GRIN2A: variants seen among roughly 807,000 people sequenced by gnomAD.
GRIN2A encodes the protein glutamate ionotropic receptor NMDA type subunit 2A.
GRIN2A carries 22 observed loss-of-function variants against 113.4 expected under a neutral mutation model. That is an observed-to-expected ratio of 0.19 (90% CI 0.14 to 0.28). The LOEUF (loss-of-function observed/expected upper bound fraction) is 0.28, where lower values mean the gene tolerates loss of function less well. Among genes scored for constraint, GRIN2A ranks in the 10% least tolerant of loss-of-function variants. The pLI is 1.00. For synonymous variants in GRIN2A, 827 were observed against 738.4 expected, an observed-to-expected ratio of 1.12 and a Z score of -1.94; for missense variants, 1,502 against 1,887.0, an observed-to-expected ratio of 0.80 and a Z score of 3.78.
chr16:10,074,608 G>A (rs1047439773), intron 2 of GRIN2A, among the ~76,000 whole-genome samples: 16 of 152,218 alleles, frequency 1.1e-4, no homozygotes, highest in African/African-American at 3.6e-4. Flanking sequence ...AAGACATTAT[G>A]CTAAGTGAAG....
chr16:9,862,811 A>G (rs1376802716), intron 4 of GRIN2A, among the ~76,000 whole-genome samples: 1 of 152,186 alleles, frequency 6.6e-6, no homozygotes, highest in Non-Finnish European at 1.5e-5. Context: ...GAGCTCTTTC[A>G]TAATCATGGA....
At chr16:10,015,916 G>T (rs780076406) in intron 2 of GRIN2A, among the ~76,000 whole-genome samples, 1 of 151,960 alleles carries the variant, frequency 6.6e-6, no homozygotes. Flanking sequence ...GATCACCTGA[G>T]GTCAGCCTGG....
At chr16:9,997,876 T>C (rs1010479635) in intron 2 of GRIN2A, among the ~76,000 whole-genome samples, 1 of 152,230 alleles carries the variant, frequency 6.6e-6, no homozygotes, top group African/African-American at 2.4e-5. Context: ...TTGTTCCTGC[T>C]TTACCTTCCA....
At chr16:9,769,169 C>G in intron 11 of GRIN2A, 80 bp from the exon 12 acceptor site, 3 of 1,048,636 alleles carry the variant, frequency 2.9e-6, no homozygotes, top group Non-Finnish European at 4.5e-6. Context: ...TTGGAACAGA[C>G]GATGTGCAAC....
At chr16:9,889,468 T>G (rs2043649878) in intron 4 of GRIN2A, among the ~76,000 whole-genome samples, 1 of 152,190 alleles carries the variant, frequency 6.6e-6, no homozygotes, top group African/African-American at 2.4e-5. Flanking sequence ...TTGTTGATTT[T>G]TACTTGTGTA....
intron 2 of GRIN2A, among the ~76,000 whole-genome samples, chr16:10,059,612 G>A (rs572645923): frequency 4.3e-4 from 65 of 151,948 alleles, no homozygotes; most frequent in Non-Finnish European, 8.7e-4. Flanking sequence ...AGGAGCCCAT[G>A]CCTCAGACAA....
chr16:9,990,334 T>C (rs2046077109), intron 2 of GRIN2A, among the ~76,000 whole-genome samples: 1 of 151,780 alleles, frequency 6.6e-6, no homozygotes, highest in South Asian at 2.1e-4. Context: ...TAAAATTGGG[T>C]GCTCATGGAC....
intron 2 of GRIN2A, among the ~76,000 whole-genome samples, chr16:10,096,518 A>T (rs951305746): frequency 3.9e-4 from 47 of 120,554 alleles, no homozygotes; most frequent in African/African-American, 1.3e-3. Flanking sequence ...TTCTTTTTCA[A>T]TTTTTTTTAA....
chr16:9,925,074 T>G (rs2044431925), intron 3 of GRIN2A, among the ~76,000 whole-genome samples: 1 of 152,238 alleles, frequency 6.6e-6, no homozygotes. Flanking sequence ...TGGAAGAAAT[T>G]ATAAATTTTA....
At chr16:10,107,639 T>C (rs1448439910) in intron 2 of GRIN2A, among the ~76,000 whole-genome samples, 1 of 152,110 alleles carries the variant, frequency 6.6e-6, no homozygotes, top group Non-Finnish European at 1.5e-5. Context: ...GTTTGCAAGA[T>C]CCCTAAAGGT....
chr16:9,978,187 A>G (rs950537369), intron 2 of GRIN2A, among the ~76,000 whole-genome samples: 1 of 152,210 alleles, frequency 6.6e-6, no homozygotes, highest in Non-Finnish European at 1.5e-5. Flanking sequence ...GTCAGTTCCC[A>G]ATGCAAGTTA....
At chr16:9,838,766 A>C (rs749229141) in intron 7 of GRIN2A, among the ~76,000 whole-genome samples, 1 of 152,134 alleles carries the variant, frequency 6.6e-6, no homozygotes, top group Non-Finnish European at 1.5e-5. Flanking sequence ...TCTAAGTTTG[A>C]GATAAATGAA....
intron 2 of GRIN2A, among the ~76,000 whole-genome samples, chr16:10,175,221 T>G (rs1345003695): frequency 6.6e-6 from 1 of 152,222 alleles, no homozygotes; most frequent in African/African-American, 2.4e-5. Flanking sequence ...AACGATCCAT[T>G]TCTCAGAACG....
chr16:10,137,318 G>T (rs1321925855), intron 2 of GRIN2A, among the ~76,000 whole-genome samples: 1 of 152,198 alleles, frequency 6.6e-6, no homozygotes, highest in Non-Finnish European at 1.5e-5. Flanking sequence ...AAAGTAACTT[G>T]CTTAAATGAG....
chr16:9,918,637 G>C (rs575881908), intron 3 of GRIN2A, among the ~76,000 whole-genome samples: 1 of 152,234 alleles, frequency 6.6e-6, no homozygotes, highest in East Asian at 1.9e-4. Context: ...TTTTCTGTCT[G>C]AAATTAAAGT....
At chr16:10,044,193 C>T (rs1198268219) in intron 2 of GRIN2A, among the ~76,000 whole-genome samples, 1 of 151,636 alleles carries the variant, frequency 6.6e-6, no homozygotes, top group Non-Finnish European at 1.5e-5. Flanking sequence ...GCCACCATGC[C>T]CAGCTAATTT....
In GRIN2A at chr16:9,760,954, T is replaced by G. The variant is rs1900555775; in HGVS notation, c.*2195A>C. On this transcript the variant is annotated 3_prime_UTR_variant, in exon 13 of 13. Transcript: ENST00000330684. ...TAGGATCAGATGTTGGGGTGACTAT[T>G]CTGGGCCCTTCGATCCAGGCTTCTC... 1.3e-5 allele frequency: 3 copies of G among 232,360 alleles called. No homozygotes were observed. Among genetic ancestry groups the G allele is most frequent in the Non-Finnish European group, 2.6e-5 (3 of 117,590 alleles). 14.4% of individuals were successfully genotyped at this position (232,360 alleles called of 1,614,324 possible).
chr16:9,818,242 T>C (rs1023639196), intron 10 of GRIN2A, among the ~76,000 whole-genome samples: 2 of 152,058 alleles, frequency 1.3e-5, no homozygotes, highest in Non-Finnish European at 2.9e-5. Context: ...TGATCGGATC[T>C]TGGTGTAGCT....
chr16:10,082,952 A>T (rs1596487458), intron 2 of GRIN2A, among the ~76,000 whole-genome samples: 1 of 152,056 alleles, frequency 6.6e-6, no homozygotes, highest in South Asian at 2.1e-4. Context: ...ATTCTTTTTT[A>T]AAATTAAAAG....
Sources: gnomAD v4.1 joint callset for allele counts (sites outside exome capture counted in the v4.1 genomes callset) on GRCh38, gnomAD v4.1.1 for gene constraint, MANE v1.5 for transcripts, NCBI Gene and HGNC (gene_info 2026-07-23, HGNC 2026-07-21) for gene names.